The following PRELID2 variants were observed in gnomAD, a reference collection of about 807,000 sequenced individuals.
The protein encoded by PRELID2 is PRELI domain containing 2.
A neutral mutation model predicts 28.4 loss-of-function variants in PRELID2; 25 were observed. The ratio of observed to expected loss-of-function variants is 0.88; its 90% CI spans 0.64 to 1.23. The LOEUF (loss-of-function observed/expected upper bound fraction) is 1.23, where lower values mean the gene tolerates loss of function less well. Ranked by LOEUF, PRELID2 falls within the 50% of genes most tolerant of loss-of-function variation. The pLI, the probability that PRELID2 is intolerant of heterozygous loss-of-function variation, is 0.00. For synonymous variants in PRELID2, 76 were observed against 71.6 expected, an observed-to-expected ratio of 1.06 and a Z score of -0.31; for missense variants, 201 against 214.4, an observed-to-expected ratio of 0.94 and a Z score of 0.39.
At chr5:145,462,628 T>C in the PRELID2 span, among the ~76,000 whole-genome samples, 1 of 152,260 alleles carries the variant, frequency 6.6e-6, no homozygotes, top group East Asian at 1.9e-4. Flanking sequence ...ATTTATGTTC[T>C]GGCTTCAGGT....
the PRELID2 span, among the ~76,000 whole-genome samples, chr5:145,461,503 C>T: frequency 1.3e-5 from 2 of 152,122 alleles, no homozygotes; most frequent in Admixed American, 1.3e-4. Context: ...GGGGTTTCAC[C>T]ATGTTAGCCA....
chr5:145,494,684 T>C (rs1752295625), intron 1 of PRELID2, among the ~76,000 whole-genome samples: 2 of 152,134 alleles, frequency 1.3e-5, no homozygotes, highest in Admixed American at 6.6e-5. Context: ...ATTAAAGATA[T>C]TGACAACAAA....
intron 1 of PRELID2, among the ~76,000 whole-genome samples, chr5:145,596,985 G>A (rs868158434): frequency 1.2e-4 from 18 of 152,058 alleles, no homozygotes; most frequent in African/African-American, 1.9e-4. Context: ...TGGCAAACAC[G>A]AAATGCAAAT....
chr5:145,780,913 G>A (rs1383582753), intron 5 of PRELID2, among the ~76,000 whole-genome samples: 1 of 152,128 alleles, frequency 6.6e-6, no homozygotes, highest in Non-Finnish European at 1.5e-5. Context: ...GGAATCTAAG[G>A]AAAGAAGCTA....
the PRELID2 span, among the ~76,000 whole-genome samples, chr5:145,378,195 C>G: frequency 6.6e-6 from 1 of 152,102 alleles, no homozygotes. Flanking sequence ...ATGGCCTGAC[C>G]TTTCTTTCTA....
chr5:145,286,716 G>GTTTTTTT, the PRELID2 span, among the ~76,000 whole-genome samples: 2 of 63,070 alleles, frequency 3.2e-5, no homozygotes, highest in African/African-American at 1.5e-4. Flanking sequence ...TTTTTTGTTT[G>GTTTTTTT]TTTGTTTGTT....
At chr5:145,414,429 A>G in the PRELID2 span, among the ~76,000 whole-genome samples, 1 of 152,294 alleles carries the variant, frequency 6.6e-6, no homozygotes, top group South Asian at 2.1e-4. Context: ...ATATCTCTGT[A>G]ATAGAACCCC....
At chr5:145,661,394 A>C (rs2149677274) in intron 1 of PRELID2, among the ~76,000 whole-genome samples, 1 of 152,192 alleles carries the variant, frequency 6.6e-6, no homozygotes, top group Middle Eastern at 3.4e-3. Context: ...ACTTAACTAT[A>C]AATTAGAACA....
chr5:145,556,854 C>A (rs777302491), intron 1 of PRELID2, among the ~76,000 whole-genome samples: 1 of 152,156 alleles, frequency 6.6e-6, no homozygotes, highest in Non-Finnish European at 1.5e-5. Flanking sequence ...CTCCTGTCTC[C>A]CTATATGCCT....
Position 145,718,245 on chromosome 5 carries a change from T to C in PRELID2, n.70+46686A>G, listed in dbSNP as rs1190875059. Among the ~76,000 whole-genome samples, 2 of 151,850 alleles carry C rather than the reference T, an allele frequency of 1.3e-5. 1 individual carries two copies. The highest frequency in any genetic ancestry group is 2.9e-5 in the Non-Finnish European group (2 of 67,864). On this transcript the variant is annotated intron_variant and non_coding_transcript_variant, in intron 1 of 2. Transcript: ENST00000510259. ...CTTAGCAATGATGCTGATATATGATTGACCTACAAAAATCAATAGTATTCC... is the reference window on the plus strand; with the variant it reads ...CTTAGCAATGATGCTGATATATGATCGACCTACAAAAATCAATAGTATTCC...
intron 5 of PRELID2, among the ~76,000 whole-genome samples, chr5:145,781,821 G>A (rs920343896): frequency 6.7e-6 from 1 of 148,658 alleles, no homozygotes; most frequent in Non-Finnish European, 1.5e-5. Flanking sequence ...TTTGTTTTTG[G>A]TATTTCAATG....
intron 1 of PRELID2, among the ~76,000 whole-genome samples, chr5:145,742,840 T>C (rs750278834): frequency 6.6e-6 from 1 of 151,874 alleles, no homozygotes; most frequent in Admixed American, 6.6e-5. Flanking sequence ...ATTAAACTTC[T>C]AGCAAGACTG....
In PRELID2 at chr5:145,736,243, A is replaced by C. The variant is rs1289124319; in HGVS notation, n.70+28688T>G. 3.3e-5 allele frequency among the ~76,000 whole-genome samples: 5 copies of C among 152,328 alleles called. No individual in the cohort carries two copies. The East Asian group carries it at 5.8e-4, about 18-fold the overall frequency. On this transcript the variant is annotated intron_variant and non_coding_transcript_variant, in intron 1 of 2. Transcript: ENST00000510259. ...GATCACATATTTGTTATAAAAATAA[A>C]GTGCTAAAAATCACAAGCCTTTGGT...
chr5:145,742,382 A>C (rs1756856390), intron 1 of PRELID2, among the ~76,000 whole-genome samples: 1 of 146,560 alleles, frequency 6.8e-6, no homozygotes, highest in South Asian at 2.1e-4. Context: ...ACAAATTTAA[A>C]GACTTGAAAT....
intron 1 of PRELID2, among the ~76,000 whole-genome samples, chr5:145,832,014 T>C (rs1222937826): frequency 6.6e-6 from 1 of 152,138 alleles, no homozygotes; most frequent in Non-Finnish European, 1.5e-5. Flanking sequence ...CGTTTTGGAG[T>C]GGTTTGTTAC....
intron 5 of PRELID2, among the ~76,000 whole-genome samples, chr5:145,783,357 T>TA (rs1259220515): frequency 6.6e-6 from 1 of 152,204 alleles, no homozygotes; most frequent in Admixed American, 6.5e-5. Flanking sequence ...ATGTATCACT[T>TA]ACAGAATACT....
chr5:145,386,676 G>T, the PRELID2 span, among the ~76,000 whole-genome samples: 2 of 152,090 alleles, frequency 1.3e-5, no homozygotes, highest in African/African-American at 2.4e-5. Flanking sequence ...TCTGTCTTTT[G>T]TTGGCATTAT....
At chr5:145,602,339 G>GAAAATA (rs1307452994) in intron 1 of PRELID2, among the ~76,000 whole-genome samples, 1 of 152,134 alleles carries the variant, frequency 6.6e-6, no homozygotes, top group East Asian at 1.9e-4. Flanking sequence ...TAACAGTGAG[G>GAAAATA]AAAATAAAAA....
At chr5:145,234,472 C>G in the PRELID2 span, among the ~76,000 whole-genome samples, 1 of 152,104 alleles carries the variant, frequency 6.6e-6, no homozygotes. Flanking sequence ...AACTACCACA[C>G]TAGAGTACTT....
Sources: gnomAD v4.1 joint callset for allele counts (sites outside exome capture counted in the v4.1 genomes callset) on GRCh38, gnomAD v4.1.1 for gene constraint, MANE v1.5 for transcripts, NCBI Gene and HGNC (gene_info 2026-07-23, HGNC 2026-07-21) for gene names.